The following MTARC1 variants were observed in gnomAD, a reference collection of about 807,000 sequenced individuals.
MTARC1 encodes mitochondrial amidoxime-reducing component 1.
A neutral mutation model predicts 33.6 loss-of-function variants in MTARC1; 24 were observed. The ratio of observed to expected loss-of-function variants is 0.72; its 90% CI spans 0.52 to 1.01. MTARC1 has a LOEUF of 1.01. MTARC1 is among the 50% of genes least tolerant of loss of function. MTARC1 has a pLI of 0.00. For synonymous variants in MTARC1, 187 were observed against 189.5 expected, an observed-to-expected ratio of 0.99 and a Z score of 0.11; for missense variants, 417 against 445.7, an observed-to-expected ratio of 0.94 and a Z score of 0.58.
intron 1 of MTARC1, among the ~76,000 whole-genome samples, chr1:220,788,812 T>C (rs899130963): frequency 8.0e-6 from 1 of 124,846 alleles, no homozygotes; most frequent in Non-Finnish European, 1.8e-5. Flanking sequence ...AAAAAAAAAA[T>C]CCATGTTTCG....
intron 2 of MTARC1, among the ~76,000 whole-genome samples, chr1:220,792,667 GAAAC>G (rs1672465055): frequency 7.0e-6 from 1 of 142,944 alleles, no homozygotes; most frequent in Non-Finnish European, 1.5e-5. Context: ...AAAAAAAAAA[GAAAC>G]AAAAACTATC....
chr1:220,795,781 G>A (rs1052768300), intron 2 of MTARC1, among the ~76,000 whole-genome samples: 1 of 152,190 alleles, frequency 6.6e-6, no homozygotes, highest in African/African-American at 2.4e-5. Context: ...TGGACCTAAG[G>A]TGTGTTCTTT....
rs1189633661 is a variant in MTARC1 at position 220,813,744 on chromosome 1, A to G, written c.*326A>G. 1 of 260,546 alleles carries G rather than the reference A, an allele frequency of 3.8e-6. No individual in the cohort carries two copies. Among genetic ancestry groups the G allele is most frequent in the African/African-American group, 2.2e-5 (1 of 45,756 alleles). 16.1% of individuals were successfully genotyped at this position (260,546 alleles called of 1,614,324 possible). On this transcript the variant is annotated 3_prime_UTR_variant, in exon 7 of 7. Transcript: ENST00000366910. ...TTATCTACCAAGAGCGCAGACTTGC[A>G]TCCTGTCACTACCACTCGTTAGAGA...
At chr1:220,803,217 C>T (rs532906155) in intron 4 of MTARC1, among the ~76,000 whole-genome samples, 4 of 152,206 alleles carry the variant, frequency 2.6e-5, no homozygotes, top group East Asian at 3.9e-4. Context: ...CAAGAGAGTG[C>T]GTGCAGGGGA....
At position 220,797,856 on chromosome 1, in the gene MTARC1, T is replaced by C; in HGVS notation, c.613-18T>C. 4.3e-6 allele frequency: 7 copies of C among 1,613,270 alleles called. No homozygotes were observed. The highest frequency in any genetic ancestry group is 1.3e-5 in the African/African-American group (1 of 74,998). On this transcript the variant is annotated intron_variant, in intron 3 of 6. Transcript: ENST00000366910. ...GTTGGTGTGCCATGTGTTATAACAA[T>C]GTCTATTTCCTTATCAGATTGCTTA...
chr1:220,787,266 A>C (rs1220669653), intron 1 of MTARC1, 47 bp downstream of exon 1: 11 of 1,522,550 alleles, frequency 7.2e-6, no homozygotes, highest in Non-Finnish European at 9.7e-6. Context: ...GGCTCGGGGC[A>C]AGGGGGTGAG....
At position 220,791,568 on chromosome 1, in the gene MTARC1, C is replaced by T; in HGVS notation, c.353C>T (p.Thr118Ile). ...CCTCGCCTGGTCCTGATTTCCCTGA[C>T]CTGCGATGGTGACACCCTGACTCTC... is the stretch of plus-strand genomic sequence containing the variant. The part of the protein sequence containing the change: ...QEPRLVLISL[T>I]CDGDTLTLSA... The change falls in exon 2 of 7, where the codon ACC becomes ATC. Residue 118 changes from threonine (T) to isoleucine (I), a missense_variant. Thr to Ile is a moderately conservative substitution (Grantham distance 89, BLOSUM62 -1). Coordinates refer to ENST00000366910, the MANE Select transcript of MTARC1 (RefSeq NM_022746.4). The T allele has an allele frequency of 1.2e-6, 2 of 1,614,126 alleles. No individual in the cohort carries two copies. Among genetic ancestry groups the T allele is most frequent in the South Asian group, 2.2e-5 (2 of 91,080 alleles).
chr1:220,808,877 T>C, intron 6 of MTARC1: 1 of 471,198 alleles, frequency 2.1e-6, no homozygotes, highest in Non-Finnish European at 4.4e-6. Flanking sequence ...ACGTACACAC[T>C]GATCCCCATG....
Position 220,813,328 on chromosome 1 carries a change from T to C in MTARC1, c.924T>C (p.Tyr308=). ...GTGACCCTTCAGAACGAAAGTTATA[T>C]GGAAAATCACCACTCTTTGGGCAGT... ...RQCDPSERKL[Y]GKSPLFGQYF... is the part of the protein sequence containing the mutation. The change falls in exon 7 of 7, where the codon TAT becomes TAC. Residue 308 remains tyrosine (Y), a synonymous_variant. Transcript: ENST00000366910. The C allele has an allele frequency of 6.2e-7, 1 of 1,614,156 alleles. No individual in the cohort carries two copies. The highest frequency in any genetic ancestry group is 8.5e-7 in the Non-Finnish European group (1 of 1,180,030).
rs144260621 is a variant in MTARC1, at chr1:220,809,491, C to CAATTT, written c.888-3779_888-3775dup. 6.2e-3 allele frequency among the ~76,000 whole-genome samples: 928 copies of CAATTT among 150,126 alleles called. 4 individuals carry two copies. The highest frequency in any genetic ancestry group is 0.041 in the South Asian group (193 of 4,744). On this transcript the variant is annotated intron_variant, in intron 6 of 6. Transcript: ENST00000366910. ...ACGTTCACGATGCCGTCTAATTCTTCAATTTAATTTAATTTAATTTAATTT... is the reference window on the plus strand; with the variant it reads ...ACGTTCACGATGCCGTCTAATTCTTCAATTTAATTTAATTTAATTTAATTTAATTT...
At chr1:220,813,202 G>A in intron 6 of MTARC1, 90 bp from the exon 7 acceptor site, 6 of 1,564,612 alleles carry the variant, frequency 3.8e-6, no homozygotes, top group Non-Finnish European at 2.6e-6. Context: ...AGCTGTGCGT[G>A]CGGAGGCCCT....
At position 220,813,290 on chromosome 1, in the gene MTARC1, A is replaced by T; in HGVS notation, c.888-2A>T. The T allele has an allele frequency of 6.2e-7, 1 of 1,613,998 alleles. No individual in the cohort carries two copies. The highest frequency in any genetic ancestry group is 8.5e-7 in the Non-Finnish European group (1 of 1,179,976). On this transcript the variant is annotated splice_acceptor_variant, in intron 6 of 6. Coordinates refer to ENST00000366910, the MANE Select transcript of MTARC1 (RefSeq NM_022746.4). LOFTEE classifies it high-confidence loss of function. ...ACTCATCATGATCTTTTCCTATTGCAGTTATCGCCAGTGTGACCCTTCAGA... is the reference window on the plus strand; with the variant it reads ...ACTCATCATGATCTTTTCCTATTGCTGTTATCGCCAGTGTGACCCTTCAGA...
intron 4 of MTARC1, among the ~76,000 whole-genome samples, chr1:220,800,511 A>G (rs1261793335): frequency 3.3e-5 from 5 of 152,072 alleles, no homozygotes; most frequent in African/African-American, 7.2e-5. Flanking sequence ...GAGCTGAAGC[A>G]TGGGGCACCC....
intron 2 of MTARC1, among the ~76,000 whole-genome samples, chr1:220,792,279 G>C (rs1672449620): frequency 6.6e-6 from 1 of 152,190 alleles, no homozygotes; most frequent in Non-Finnish European, 1.5e-5. Context: ...CTCAACATCA[G>C]AAGGGCTGCA....
chr1:220,809,895 G>A (rs1282666309), intron 6 of MTARC1, among the ~76,000 whole-genome samples: 4 of 152,206 alleles, frequency 2.6e-5, no homozygotes, highest in African/African-American at 7.2e-5. Context: ...TGGTGGGATC[G>A]GGCAGTGACC....
In MTARC1 at chr1:220,786,949, G is replaced by C; in HGVS notation, c.5G>C (p.Gly2Ala). 1 of 1,240,458 alleles carries C rather than the reference G, an allele frequency of 8.1e-7. No homozygotes were observed. Among genetic ancestry groups the C allele is most frequent in the Non-Finnish European group, 1.0e-6 (1 of 994,600 alleles). 76.8% of individuals were successfully genotyped at this position (1,240,458 alleles called of 1,614,324 possible). Residue 2 changes from glycine (G) to alanine (A), a missense_variant, in exon 1 of 7, where the codon GGC becomes GCC. Coordinates refer to ENST00000366910, the MANE Select transcript of MTARC1 (RefSeq NM_022746.4). Reference sequence around the variant, plus strand: ...CACCTCGCGGAGAAGCCAGCCATGGGCGCCGCCGGCTCCTCCGCGCTGGCG... The same window carrying C: ...CACCTCGCGGAGAAGCCAGCCATGGCCGCCGCCGGCTCCTCCGCGCTGGCG... Reference protein sequence around the residue: MGAAGSSALARF... With the variant: MAAAGSSALARF...
At chr1:220,803,080 C>T (rs1206386443) in intron 4 of MTARC1, among the ~76,000 whole-genome samples, 1 of 152,126 alleles carries the variant, frequency 6.6e-6, no homozygotes, top group African/African-American at 2.4e-5. Flanking sequence ...TGAAGAAATA[C>T]CCGAGACTGG....
chr1:220,813,571 A>G lies in MTARC1; in HGVS notation c.*153A>G. 1 of 913,006 alleles carries G rather than the reference A, an allele frequency of 1.1e-6. No homozygotes were observed. Among genetic ancestry groups the G allele is most frequent in the Non-Finnish European group, 1.6e-6 (1 of 613,406 alleles). 56.6% of individuals were successfully genotyped at this position (913,006 alleles called of 1,614,324 possible). A position where few individuals can be genotyped will look rare whatever the true frequency, so the allele number is the denominator to read the frequency against. ...TCGTCTTTTGGACTTCTGGTGTCTC[A>G]ATGCTTCAATGTCCCAGTGCAAAAA... On this transcript the variant is annotated 3_prime_UTR_variant, in exon 7 of 7. Transcript: ENST00000366910.
chr1:220,796,839 C>A lies in MTARC1; in HGVS notation c.612+34C>A, dbSNP rs770309720. The stretch of plus-strand genomic sequence containing the variant: ...TTCTGCTGCCTCCATGGGTAGAAAG[C>A]AGTCACCCCCAGATCAGGGGGCTCA... On this transcript the variant is annotated intron_variant, in intron 3 of 6. Transcript: ENST00000366910. 13 of 1,559,312 alleles carry A rather than the reference C, an allele frequency of 8.3e-6. No homozygotes were observed. In the Admixed American group the frequency reaches 1.6e-4, roughly 19 times the overall value.
Sources: gnomAD v4.1 joint callset for allele counts (sites outside exome capture counted in the v4.1 genomes callset) on GRCh38, gnomAD v4.1.1 for gene constraint, MANE v1.5 for transcripts, NCBI Gene and HGNC (gene_info 2026-07-23, HGNC 2026-07-21) for gene names.